Variants in GTPBP8 observed in about 807,000 individuals in gnomAD.
The protein encoded by GTPBP8 is GTP binding protein 8, also known as GTP-binding protein 8.
GTPBP8 carries 21 observed loss-of-function variants against 27.3 expected under a neutral mutation model. The observed-to-expected ratio is 0.77, with a 90% confidence interval of 0.55 to 1.11. GTPBP8 has a LOEUF of 1.11. Ranked by LOEUF, GTPBP8 falls within the 50% of genes least tolerant of loss-of-function variation. GTPBP8 has a pLI of 0.00. For synonymous variants in GTPBP8, 147 were observed against 135.3 expected, an observed-to-expected ratio of 1.09 and a Z score of -0.60; for missense variants, 380 against 350.8, an observed-to-expected ratio of 1.08 and a Z score of -0.67.
chr3:113,001,063 G>A lies in GTPBP8; in HGVS notation c.*144G>A, dbSNP rs1341885355. 1 of 551,302 alleles carries A rather than the reference G, an allele frequency of 1.8e-6. No individual in the cohort carries two copies. Among genetic ancestry groups the A allele is most frequent in the East Asian group, 3.0e-5 (1 of 32,976 alleles). The allele number at this position is 551,302 out of a possible 1,614,324, so 34.2% of individuals were successfully genotyped here. ...GGATCACTTGAGCTTTAAAACCTGT[G>A]CCTTCTCGAAACAAGAATTTGTGCC... is the stretch of plus-strand genomic sequence containing the variant. On this transcript the variant is annotated 3_prime_UTR_variant, in exon 6 of 6. Coordinates refer to ENST00000383678, the MANE Select transcript of GTPBP8 (RefSeq NM_014170.4).
intron 5 of GTPBP8, among the ~76,000 whole-genome samples, 164 bp from the exon 6 acceptor site, chr3:113,000,686 T>C (rs1458781883): frequency 6.6e-6 from 1 of 152,180 alleles, no homozygotes; most frequent in East Asian, 1.9e-4. Context: ...GATTTTAGAA[T>C]ACTACAAGAC....
intron 3 of GTPBP8, among the ~76,000 whole-genome samples, chr3:112,996,431 T>G (rs563554183): frequency 1.5e-4 from 23 of 152,090 alleles, no homozygotes; most frequent in Non-Finnish European, 2.2e-4. Context: ...GCCACTGCAT[T>G]CTACCCTGGG....
intron 5 of GTPBP8, 39 bp from the exon 6 acceptor site, chr3:113,000,811 G>A: frequency 7.9e-7 from 1 of 1,272,064 alleles, no homozygotes; most frequent in Non-Finnish European, 1.1e-6. Flanking sequence ...TGTTATATCT[G>A]AGGAAAGGAA....
intron 1 of GTPBP8, among the ~76,000 whole-genome samples, 157 bp from the exon 2 acceptor site, chr3:112,992,869 A>G (rs534778809): frequency 1.3e-5 from 2 of 152,362 alleles, no homozygotes; most frequent in South Asian, 4.1e-4. Context: ...GCTGTAAAAA[A>G]TGAATAAGAA....
intron 5 of GTPBP8, among the ~76,000 whole-genome samples, chr3:113,000,468 T>C (rs1054648596): frequency 3.9e-5 from 6 of 152,158 alleles, no homozygotes; most frequent in African/African-American, 7.2e-5. Context: ...CAGATGGATA[T>C]AGGAAGACAG....
chr3:112,995,265 A>G lies in GTPBP8; in HGVS notation c.566A>G (p.Asn189Ser). The change falls in exon 3 of 6, where the codon AAC becomes AGC. Residue 189 changes from asparagine to serine, a missense_variant and splice_region_variant. Physicochemically the swap from Asn to Ser is conservative, Grantham distance 46. Coordinates refer to ENST00000383678, the MANE Select transcript of GTPBP8 (RefSeq NM_014170.4). ...GAGACCTATCTAAAAGAACGAAGGAAGTAAGGAAAAGATTTTCTTATAATA... is the reference window on the plus strand; with the variant it reads ...GAGACCTATCTAAAAGAACGAAGGAGGTAAGGAAAAGATTTTCTTATAATA... ...MVETYLKERR[N>S]LKRTFLLVDS... 6.3e-7 allele frequency: 1 copy of G among 1,581,986 alleles called. No individual in the cohort carries two copies. Among genetic ancestry groups the G allele is most frequent in the Non-Finnish European group, 8.6e-7 (1 of 1,165,418 alleles).
chr3:112,995,511 T>G (rs952802454), intron 3 of GTPBP8, among the ~76,000 whole-genome samples: 1 of 152,118 alleles, frequency 6.6e-6, no homozygotes, highest in African/African-American at 2.4e-5. Flanking sequence ...AAATTGAGAT[T>G]GAGAGTAAAG....
chr3:112,991,026 A>G lies in GTPBP8; in HGVS notation c.27A>G (p.Gly9=), dbSNP rs1576164671. The G allele has an allele frequency of 6.3e-7, 1 of 1,597,926 alleles. No homozygotes were observed. The highest frequency in any genetic ancestry group is 1.1e-5 in the South Asian group (1 of 90,452). MAAPGLRL[G]AGRLFEMPAV... is the part of the protein sequence containing the mutation. Reference sequence around the variant, plus strand: ...TGGCGGCGCCCGGGCTGCGGCTGGGAGCGGGAAGACTCTTTGAAATGCCTG... The same window carrying G: ...TGGCGGCGCCCGGGCTGCGGCTGGGGGCGGGAAGACTCTTTGAAATGCCTG... Residue 9 remains glycine (G), a synonymous_variant, in exon 1 of 6, where the codon GGA becomes GGG. Coordinates refer to ENST00000383678, the MANE Select transcript of GTPBP8 (RefSeq NM_014170.4).
At position 112,996,916 on chromosome 3, in the gene GTPBP8, G is replaced by A. The variant is rs778688486; in HGVS notation, c.591G>A (p.Val197=). The A allele has an allele frequency of 1.2e-5, 18 of 1,554,572 alleles. No individual in the cohort carries two copies. Among genetic ancestry groups the A allele is most frequent in the Non-Finnish European group, 1.4e-5 (16 of 1,127,134 alleles). ...GCTTGAAGAGAACATTTTTATTAGTGGATAGCGTTGTTGGAATTCAAAAAA... is the reference window on the plus strand; with the variant it reads ...GCTTGAAGAGAACATTTTTATTAGTAGATAGCGTTGTTGGAATTCAAAAAA... ...RRNLKRTFLL[V]DSVVGIQKTD... Residue 197 remains valine (V), a synonymous_variant, in exon 4 of 6, where the codon GTG becomes GTA. Transcript: ENST00000383678.
chr3:112,996,847 G>A (rs1330660419), intron 3 of GTPBP8, 45 bp from the exon 4 acceptor site: 1 of 825,674 alleles, frequency 1.2e-6, no homozygotes, highest in Non-Finnish European at 2.1e-6. Flanking sequence ...AAATGAATGG[G>A]TATATTTTAT....
intron 2 of GTPBP8, among the ~76,000 whole-genome samples, chr3:112,993,669 C>A (rs1447146867): frequency 6.6e-6 from 1 of 152,206 alleles, no homozygotes; most frequent in African/African-American, 2.4e-5. Context: ...TTCAAAATCA[C>A]CCCCACTTTG....
chr3:113,000,916 C>T lies in GTPBP8; in HGVS notation c.852C>T (p.Asp284=). 6.7e-7 allele frequency: 1 copy of T among 1,487,740 alleles called. No homozygotes were observed. The highest frequency in any genetic ancestry group is 1.2e-5 in the South Asian group (1 of 84,136). 92.2% of individuals were successfully genotyped at this position (1,487,740 alleles called of 1,614,324 possible). A position where few individuals can be genotyped will look rare whatever the true frequency, so the allele number is the denominator to read the frequency against. Residue 284 remains aspartate (D), a synonymous_variant, in exon 6 of 6, where the codon GAC becomes GAT. Transcript: ENST00000383678. ...CFIASVTGSL[D] ...TAGCCAGTGTAACAGGAAGTCTTGA[C>T]TAATGGTTCCCGGTTTAGCTGAAGA... is the stretch of plus-strand genomic sequence containing the variant.
At chr3:112,997,295 A>G (rs1266096779) in intron 4 of GTPBP8, among the ~76,000 whole-genome samples, 2 of 152,198 alleles carry the variant, frequency 1.3e-5, no homozygotes, top group Admixed American at 1.3e-4. Flanking sequence ...CAACATAAAC[A>G]TTTGTTCAGA....
In GTPBP8 at chr3:112,999,481, A is replaced by G. The variant is rs1303680195; in HGVS notation, c.702A>G (p.Gly234=). 6.6e-7 allele frequency: 1 copy of G among 1,524,196 alleles called. No homozygotes were observed. Among genetic ancestry groups the G allele is most frequent in the Admixed American group, 1.8e-5 (1 of 55,238 alleles). 94.4% of individuals were successfully genotyped at this position (1,524,196 alleles called of 1,614,324 possible). A position where few individuals can be genotyped will look rare whatever the true frequency, so the allele number is the denominator to read the frequency against. The change falls in exon 5 of 6, where the codon GGA becomes GGG. Residue 234 remains glycine, a synonymous_variant. Transcript: ENST00000383678. The part of the protein sequence containing the change: ...VLTKIDKSSK[G]HLLKQVLQIQ... Reference sequence around the variant, plus strand: ...CAAAAATTGACAAATCTTCCAAGGGACATCTTTTAAAACAAGTGCTTCAGA... The same window carrying G: ...CAAAAATTGACAAATCTTCCAAGGGGCATCTTTTAAAACAAGTGCTTCAGA...
rs1933852886 is a variant in GTPBP8 at position 112,999,581 on chromosome 3, TTTG to T, written c.785+20_785+22del. On this transcript the variant is annotated intron_variant, in intron 5 of 5. Coordinates refer to ENST00000383678, the MANE Select transcript of GTPBP8 (RefSeq NM_014170.4). ...TCCTGTAAGGTAAGAGTTGAATTGT[TTTG>T]TTTTTTGTTTTTTATGAAGTAATCT... 2 of 926,308 alleles carry T rather than the reference TTTG, an allele frequency of 2.2e-6. No homozygotes were observed. Among genetic ancestry groups the T allele is most frequent in the Non-Finnish European group, 3.3e-6 (2 of 604,384 alleles). The allele number at this position is 926,308 out of a possible 1,614,324, so 57.4% of individuals were successfully genotyped here. A position where few individuals can be genotyped will look rare whatever the true frequency, so the allele number is the denominator to read the frequency against.
intron 3 of GTPBP8, among the ~76,000 whole-genome samples, chr3:112,996,493 T>G (rs915778078): frequency 6.6e-6 from 1 of 152,082 alleles, no homozygotes; most frequent in Non-Finnish European, 1.5e-5. Flanking sequence ...TTATAACTTA[T>G]GGTTAATTTT....
chr3:112,993,072 A>G lies in GTPBP8; in HGVS notation c.383A>G (p.Lys128Arg), dbSNP rs759095458. ...AATGTTGGAAAATCATCTCTAATCA[A>G]GGCTTTATTTTCACTGGCCCCTGAG... is the stretch of plus-strand genomic sequence containing the variant. Reference protein sequence around the residue: ...RSNVGKSSLIKALFSLAPEVE... With the variant: ...RSNVGKSSLIRALFSLAPEVE... The change falls in exon 2 of 6, where the codon AAG (lysine) becomes AGG (arginine). Residue 128 changes from lysine (K) to arginine (R), a missense_variant. Lys to Arg is a conservative substitution (Grantham distance 26, BLOSUM62 2). Transcript: ENST00000383678. 1.2e-6 allele frequency: 2 copies of G among 1,612,070 alleles called. No homozygotes were observed. Among genetic ancestry groups the G allele is most frequent in the South Asian group, 1.1e-5 (1 of 90,858 alleles).
At chr3:112,999,367 A>G in intron 4 of GTPBP8, 79 bp from the exon 5 acceptor site, 1 of 561,490 alleles carries the variant, frequency 1.8e-6, no homozygotes, top group Admixed American at 3.3e-5. Flanking sequence ...CTAGTTGTAA[A>G]TGAAAAATTA....
intron 4 of GTPBP8, among the ~76,000 whole-genome samples, chr3:112,998,447 T>G (rs904405576): frequency 1.3e-5 from 2 of 152,156 alleles, no homozygotes; most frequent in African/African-American, 4.8e-5. Flanking sequence ...ATGTCCTCCT[T>G]GGGCATGCCA....
Sources: allele counts gnomAD v4.1 joint callset (sites outside exome capture counted in the v4.1 genomes callset), GRCh38; gene constraint gnomAD v4.1.1; transcripts MANE v1.5; gene names NCBI Gene and HGNC (gene_info 2026-07-23, HGNC 2026-07-21).